Variants in ABLIM3 observed in about 807,000 individuals in gnomAD.
ABLIM3 encodes the protein actin-binding LIM protein 3.
Under a neutral mutation model 109.5 loss-of-function variants are expected in ABLIM3, and 61 were observed. The ratio of observed to expected loss-of-function variants is 0.56; its 90% CI spans 0.45 to 0.69. The LOEUF is 0.69. Among genes scored for constraint, ABLIM3 ranks in the 30% least tolerant of loss-of-function variants. The pLI, the probability that ABLIM3 is intolerant of heterozygous loss-of-function variation, is 0.00. For missense variants in ABLIM3, 796 were observed against 889.5 expected (o/e 0.89, Z 1.34); for synonymous variants, 300 against 324.8 (o/e 0.92, Z 0.82).
intron 23 of ABLIM3, among the ~76,000 whole-genome samples, chr5:149,254,417 T>C (rs780902537): frequency 3.4e-4 from 51 of 152,162 alleles, no homozygotes; most frequent in Non-Finnish European, 6.3e-4. Context: ...GGGACAAACA[T>C]TGTCTGCCCT....
chr5:149,239,623 AG>A (rs201990755), intron 12 of ABLIM3, 135 bp from the exon 13 acceptor site: 1 of 1,228,778 alleles, frequency 8.1e-7, no homozygotes, highest in Non-Finnish European at 1.1e-6. Flanking sequence ...TAACTCAGGG[AG>A]GAGGGGGGTC....
At chr5:149,185,172 A>G (rs1367910265) in intron 3 of ABLIM3, among the ~76,000 whole-genome samples, 11 of 152,218 alleles carry the variant, frequency 7.2e-5, no homozygotes, top group Admixed American at 6.5e-4. Context: ...TATTTAGTTC[A>G]TGATTCTCTG....
intron 3 of ABLIM3, among the ~76,000 whole-genome samples, chr5:149,190,927 C>G (rs888679195): frequency 6.6e-6 from 1 of 152,076 alleles, no homozygotes; most frequent in Non-Finnish European, 1.5e-5. Flanking sequence ...GTATCAAAAA[C>G]TTGCATTACA....
chr5:149,143,495 C>G (rs1276968069), intron 2 of ABLIM3, among the ~76,000 whole-genome samples: 3 of 151,786 alleles, frequency 2.0e-5, no homozygotes, highest in Non-Finnish European at 4.4e-5. Flanking sequence ...CAGCCAAAAC[C>G]TACTATTTCC....
chr5:149,222,738 C>G (rs1333920075), intron 8 of ABLIM3, among the ~76,000 whole-genome samples: 5 of 142,310 alleles, frequency 3.5e-5, no homozygotes, highest in African/African-American at 1.3e-4. Context: ...TCTGGCATGG[C>G]TGGGTTGTAA....
At chr5:149,164,718 A>C (rs1471806891) in intron 2 of ABLIM3, among the ~76,000 whole-genome samples, 6 of 152,334 alleles carry the variant, frequency 3.9e-5, no homozygotes, top group African/African-American at 1.4e-4. Flanking sequence ...AAGAAAGCTC[A>C]TATTTGGAGA....
At position 149,242,592 on chromosome 5, in the gene ABLIM3, C is replaced by T. The variant is rs1375022357; in HGVS notation, c.1351+54C>T. On this transcript the variant is annotated intron_variant, in intron 15 of 23. Transcript: ENST00000309868. ...CACACAAGGAGAGGGGGGAGGTTAA[C>T]CATCTATGCAGATGGCCCTGCACAG... 5 of 1,594,194 alleles carry T rather than the reference C, an allele frequency of 3.1e-6. No homozygotes were observed. The African/African-American group carries it at 6.7e-5, about 21-fold the overall frequency.
chr5:149,251,488 G>A (rs1018217198), intron 21 of ABLIM3, 69 bp downstream of exon 21: 27 of 1,554,098 alleles, frequency 1.7e-5, no homozygotes, highest in Non-Finnish European at 2.6e-6. Context: ...ACTGCAGCTT[G>A]ACCTTCGGCA....
intron 1 of ABLIM3, 88 bp from the exon 2 acceptor site, chr5:149,141,921 C>G: frequency 1.1e-6 from 1 of 945,062 alleles, no homozygotes; most frequent in Non-Finnish European, 1.7e-6. Flanking sequence ...AGGCCAGGGG[C>G]TACAGCCCAG....
chr5:149,147,874 G>A (rs553237735), intron 2 of ABLIM3, among the ~76,000 whole-genome samples: 1 of 152,296 alleles, frequency 6.6e-6, no homozygotes, highest in South Asian at 2.1e-4. Flanking sequence ...GTAGTATGCA[G>A]AGTGTGGTAC....
In ABLIM3 at chr5:149,198,378, A is replaced by G. The variant is rs754406235; in HGVS notation, c.311A>G (p.Lys104Arg). 1.2e-6 allele frequency: 2 copies of G among 1,612,702 alleles called. No individual in the cohort carries two copies. Among genetic ancestry groups the G allele is most frequent in the East Asian group, 2.2e-5 (1 of 44,880 alleles). Residue 104 changes from lysine (K) to arginine (R), a missense_variant, in exon 4 of 24, where the codon AAG becomes AGG. Physicochemically the swap from Lys to Arg is conservative, Grantham distance 26. Transcript: ENST00000309868. This position sits in a 1 kb window ranked among gnomAD's most constrained non-coding sequence, Gnocchi z 4.2. ...GCCCTGGGCCGCACTTACCACCCCAAGTGCTTCGTGTGCAGCTTGTGCAGG... is the reference window on the plus strand; with the variant it reads ...GCCCTGGGCCGCACTTACCACCCCAGGTGCTTCGTGTGCAGCTTGTGCAGG... ...ISALGRTYHP[K>R]CFVCSLCRKP... is the part of the protein sequence containing the mutation.
At chr5:149,142,528 G>T (rs1752565607) in intron 2 of ABLIM3, among the ~76,000 whole-genome samples, 1 of 152,164 alleles carries the variant, frequency 6.6e-6, no homozygotes, top group Non-Finnish European at 1.5e-5. Flanking sequence ...GAGGGTAGGT[G>T]GGTGTGGGCA....
In ABLIM3 at chr5:149,259,777, T is replaced by A; in HGVS notation, c.*1373T>A. The A allele has an allele frequency of 3.2e-6, 2 of 618,964 alleles. No homozygotes were observed. Among genetic ancestry groups the A allele is most frequent in the Non-Finnish European group, 5.6e-6 (2 of 354,810 alleles). 38.3% of individuals were successfully genotyped at this position (618,964 alleles called of 1,614,324 possible). ...CTTGAGTCGGACCATTTTGAGATCA[T>A]GGAGGAAGGATGAAGAAGTGAAAAT... On this transcript the variant is annotated 3_prime_UTR_variant, in exon 24 of 24. Coordinates refer to ENST00000309868, the MANE Select transcript of ABLIM3 (RefSeq NM_014945.5).
At chr5:149,194,314 T>A (rs1338641845) in intron 3 of ABLIM3, among the ~76,000 whole-genome samples, 1 of 152,210 alleles carries the variant, frequency 6.6e-6, no homozygotes, top group Non-Finnish European at 1.5e-5. Context: ...AAATGAAATT[T>A]AAAAATCACA....
intron 5 of ABLIM3, 38 bp downstream of exon 5, chr5:149,200,466 G>A: frequency 6.3e-7 from 1 of 1,591,026 alleles, no homozygotes; most frequent in South Asian, 1.1e-5. Context: ...GTCCATGGGT[G>A]TGATCTCTCT....
chr5:149,220,777 T>C (rs764084370), intron 8 of ABLIM3: 2 of 152,206 alleles, frequency 1.3e-5, no homozygotes, highest in Non-Finnish European at 2.9e-5. Context: ...GTGGCTTCCT[T>C]CTCTGGATCT....
chr5:149,209,425 C>A lies in ABLIM3; in HGVS notation c.576-1301C>A, dbSNP rs117447765. Among the ~76,000 whole-genome samples, 1,328 of 152,298 alleles carry A rather than the reference C, an allele frequency of 8.7e-3. 37 individuals are homozygous for A. The highest frequency in any genetic ancestry group is 0.078 in the East Asian group (405 of 5,168). ...ACTCCACTGCTCAGAGTCTCAGTTT[C>A]CTCATTTATAAAAATGGAGAGAAGA... On this transcript the variant is annotated intron_variant, in intron 6 of 23. Transcript: ENST00000309868.
intron 3 of ABLIM3, among the ~76,000 whole-genome samples, chr5:149,193,477 A>T (rs1561572387): frequency 6.6e-6 from 1 of 152,038 alleles, no homozygotes; most frequent in South Asian, 2.1e-4. Flanking sequence ...TACCTAAATA[A>T]TTTTTTAATA....
chr5:149,184,482 G>A (rs747347832), intron 3 of ABLIM3, among the ~76,000 whole-genome samples: 12 of 152,188 alleles, frequency 7.9e-5, no homozygotes, highest in Non-Finnish European at 1.5e-4. Context: ...TTTTCCCCAT[G>A]TCAAACTATA....
Sources: gnomAD v4.1 joint callset for allele counts (sites outside exome capture counted in the v4.1 genomes callset) on GRCh38, gnomAD v4.1.1 for gene constraint, Gnocchi (gnomAD v3.1) non-coding constraint, MANE v1.5 for transcripts, NCBI Gene and HGNC (gene_info 2026-07-23, HGNC 2026-07-21) for gene names.